ANKS6: variants seen among roughly 807,000 people sequenced by gnomAD.
ANKS6 encodes ankyrin repeat and SAM domain-containing protein 6.
A neutral mutation model predicts 77.9 loss-of-function variants in ANKS6; 47 were observed. The ratio of observed to expected loss-of-function variants is 0.60; its 90% CI spans 0.48 to 0.77. The LOEUF (loss-of-function observed/expected upper bound fraction) is 0.77. ANKS6 is among the 30% of genes least tolerant of loss of function. The probability of loss-of-function intolerance (pLI) is 0.00; values close to 1 mark genes in which losing one functional copy is unlikely to be tolerated. For synonymous variants in ANKS6, 488 were observed against 501.7 expected, an observed-to-expected ratio of 0.97 and a Z score of 0.37; for missense variants, 1,150 against 1,159.1, an observed-to-expected ratio of 0.99 and a Z score of 0.11.
chr9:98,759,017 T>C (rs1050962292), intron 11 of ANKS6, among the ~76,000 whole-genome samples: 3 of 152,238 alleles, frequency 2.0e-5, no homozygotes, highest in Non-Finnish European at 2.9e-5. Flanking sequence ...TCTTCTGTCA[T>C]AGTTTGCATT....
intron 14 of ANKS6, among the ~76,000 whole-genome samples, chr9:98,738,576 T>TA (rs756331864): frequency 0.12 from 13,244 of 109,916 alleles, 725 homozygotes; most frequent in Middle Eastern, 0.19. Context: ...AACAAAAAAA[T>TA]AAAATAAAAA....
rs1444515640 is a variant in ANKS6 at position 98,732,596 on chromosome 9, T to C, written c.*3923A>G. On this transcript the variant is annotated 3_prime_UTR_variant, in exon 15 of 15. Coordinates refer to ENST00000353234, the MANE Select transcript of ANKS6 (RefSeq NM_173551.5). Reference sequence around the variant, plus strand: ...GGAGAGAAGAAAGAGAGATGAGAGATGAAAGGATTTAAAATGGGCAACCAT... The same window carrying C: ...GGAGAGAAGAAAGAGAGATGAGAGACGAAAGGATTTAAAATGGGCAACCAT... 2.6e-6 allele frequency: 4 copies of C among 1,550,276 alleles called. No individual in the cohort carries two copies. In the South Asian group the frequency reaches 3.6e-5, roughly 14 times the overall value.
intron 1 of ANKS6, among the ~76,000 whole-genome samples, chr9:98,792,036 G>A (rs1014362035): frequency 1.3e-5 from 2 of 152,000 alleles, no homozygotes; most frequent in African/African-American, 4.8e-5. Context: ...TCCTCCATGC[G>A]ACTCCCAAAT....
intron 14 of ANKS6, among the ~76,000 whole-genome samples, chr9:98,737,184 A>C (rs565231397): frequency 6.6e-6 from 1 of 152,354 alleles, no homozygotes; most frequent in South Asian, 2.1e-4. Flanking sequence ...TGTTAAGCCC[A>C]GAAAACATCA....
In ANKS6 at chr9:98,744,709, A is replaced by C. The variant is rs571330866; in HGVS notation, c.2511+850T>G. 2.7e-5 allele frequency among the ~76,000 whole-genome samples: 4 copies of C among 150,500 alleles called. 1 individual carries two copies. In the South Asian group the frequency reaches 8.3e-4, roughly 31 times the overall value. ...ACACAGCCCAAGGAACAGCAACAAA[A>C]AAAGAAAAAAAAGAGGAAAAAGGCA... On this transcript the variant is annotated intron_variant, in intron 14 of 14. Coordinates refer to ENST00000353234, the MANE Select transcript of ANKS6 (RefSeq NM_173551.5).
At chr9:98,744,309 C>T (rs1028774840) in intron 14 of ANKS6, among the ~76,000 whole-genome samples, 1 of 152,180 alleles carries the variant, frequency 6.6e-6, no homozygotes, top group Non-Finnish European at 1.5e-5. Context: ...CACCTCCAAT[C>T]CTGGCAGGGC....
At position 98,733,156 on chromosome 9, in the gene ANKS6, G is replaced by A. The variant is rs1831294731; in HGVS notation, c.*3363C>T. On this transcript the variant is annotated 3_prime_UTR_variant, in exon 15 of 15. Transcript: ENST00000353234. ...TTTCATCTTTGGAGACAGAGCGTAC[G>A]AGTAGGGCTGGCACAGGGTAGATGC... 9 of 968,604 alleles carry A rather than the reference G, an allele frequency of 9.3e-6. No homozygotes were observed. The highest frequency in any genetic ancestry group is 1.1e-5 in the Non-Finnish European group (9 of 814,696). The allele number at this position is 968,604 out of a possible 1,614,324, so 60.0% of individuals were successfully genotyped here. A position where few individuals can be genotyped will look rare whatever the true frequency, so the allele number is the denominator to read the frequency against.
Position 98,734,820 on chromosome 9 carries a change from A to G in ANKS6, c.*1699T>C. On this transcript the variant is annotated 3_prime_UTR_variant, in exon 15 of 15. Transcript: ENST00000353234. ...GTCTCCTTAAAAAGGCTGGGACATTAGTAACCTTTGTAAAGGTGTCTATCA... is the reference window on the plus strand; with the variant it reads ...GTCTCCTTAAAAAGGCTGGGACATTGGTAACCTTTGTAAAGGTGTCTATCA... 1.0e-6 allele frequency: 1 copy of G among 985,504 alleles called. No individual in the cohort carries two copies. The highest frequency in any genetic ancestry group is 1.2e-6 in the Non-Finnish European group (1 of 829,944). 61.0% of individuals were successfully genotyped at this position (985,504 alleles called of 1,614,324 possible). A position where few individuals can be genotyped will look rare whatever the true frequency, so the allele number is the denominator to read the frequency against.
chr9:98,794,669 G>A (rs1261562545), intron 1 of ANKS6, among the ~76,000 whole-genome samples: 2 of 152,124 alleles, frequency 1.3e-5, no homozygotes, highest in East Asian at 3.9e-4. Flanking sequence ...GACACTCTGA[G>A]GCATGTCAGT....
At chr9:98,757,367 C>T (rs547846371) in intron 11 of ANKS6, among the ~76,000 whole-genome samples, 2 of 152,290 alleles carry the variant, frequency 1.3e-5, no homozygotes, top group African/African-American at 4.8e-5. Flanking sequence ...CCTGTGACAG[C>T]GCTGTCTTTC....
At chr9:98,773,524 A>G (rs1163886464) in intron 9 of ANKS6, among the ~76,000 whole-genome samples, 4 of 152,118 alleles carry the variant, frequency 2.6e-5, no homozygotes, top group Non-Finnish European at 5.9e-5. Flanking sequence ...ATTATGGTTC[A>G]CTCACACTTG....
rs1374226207 is a variant in ANKS6 at position 98,733,656 on chromosome 9, A to G, written c.*2863T>C. 5 of 985,332 alleles carry G rather than the reference A, an allele frequency of 5.1e-6. No homozygotes were observed. Among genetic ancestry groups the G allele is most frequent in the Non-Finnish European group, 6.0e-6 (5 of 829,956 alleles). The allele number at this position is 985,332 out of a possible 1,614,324, so 61.0% of individuals were successfully genotyped here. On this transcript the variant is annotated 3_prime_UTR_variant, in exon 15 of 15. Transcript: ENST00000353234. ...CTTGCAAAAGCACCTTGGAGAAGTGATGAGAGTAATGTGGGAGATGCTATG... is the reference window on the plus strand; with the variant it reads ...CTTGCAAAAGCACCTTGGAGAAGTGGTGAGAGTAATGTGGGAGATGCTATG...
chr9:98,770,791 G>T, intron 10 of ANKS6, 105 bp downstream of exon 10: 1 of 1,170,468 alleles, frequency 8.5e-7, no homozygotes. Context: ...TGCCTCTTGC[G>T]TGGTCATTTC....
intron 11 of ANKS6, among the ~76,000 whole-genome samples, chr9:98,757,761 T>C (rs918574240): frequency 6.6e-6 from 1 of 152,040 alleles, no homozygotes; most frequent in Non-Finnish European, 1.5e-5. Context: ...ACCCCATCTC[T>C]ACTAAAAAAT....
At chr9:98,784,945 T>G in intron 2 of ANKS6, 69 bp from the exon 3 acceptor site, 1 of 1,384,804 alleles carries the variant, frequency 7.2e-7, no homozygotes, top group Non-Finnish European at 1.0e-6. Context: ...CACAAGGGTG[T>G]AACAACACAG....
At chr9:98,774,369 G>C (rs551997472) in intron 8 of ANKS6, among the ~76,000 whole-genome samples, 1 of 152,302 alleles carries the variant, frequency 6.6e-6, no homozygotes, top group East Asian at 1.9e-4. Context: ...GGTGTGCTGT[G>C]GGGGAGGCAG....
rs923715492 is a variant in ANKS6 at position 98,791,051 on chromosome 9, C to T, written c.360-445G>A. On this transcript the variant is annotated intron_variant, in intron 1 of 14. Transcript: ENST00000353234. This position sits in a 1 kb window ranked among gnomAD's most constrained non-coding sequence, Gnocchi z 4.3. ...GTTATTCAACGTGCCAAGGGTTACCCGGCTGGTAAGGGGTGGCATCAGGGT... is the reference window on the plus strand; with the variant it reads ...GTTATTCAACGTGCCAAGGGTTACCTGGCTGGTAAGGGGTGGCATCAGGGT... Among the ~76,000 whole-genome samples, 2 of 152,208 alleles carry T rather than the reference C, an allele frequency of 1.3e-5. No homozygotes were observed. The highest frequency in any genetic ancestry group is 2.4e-5 in the African/African-American group (1 of 41,452).
chr9:98,739,315 A>T (rs1831683842), intron 14 of ANKS6, among the ~76,000 whole-genome samples: 1 of 152,202 alleles, frequency 6.6e-6, no homozygotes, highest in Non-Finnish European at 1.5e-5. Context: ...AACAACAACG[A>T]ATAGAAACTG....
intron 10 of ANKS6, among the ~76,000 whole-genome samples, chr9:98,769,127 GAA>G (rs367857301): frequency 6.8e-5 from 7 of 102,996 alleles, no homozygotes; most frequent in Admixed American, 2.0e-4. Context: ...CTGTCTCAAA[GAA>G]AAAAAAAAAA....
Sources: gnomAD v4.1 joint callset for allele counts (sites outside exome capture counted in the v4.1 genomes callset) on GRCh38, gnomAD v4.1.1 for gene constraint, Gnocchi (gnomAD v3.1) non-coding constraint, MANE v1.5 for transcripts, NCBI Gene and HGNC (gene_info 2026-07-23, HGNC 2026-07-21) for gene names.